Variants in EXTL3 observed in about 807,000 individuals in gnomAD.
EXTL3 encodes the protein exostosin like glycosyltransferase 3, also known as exostosin-like 3.
EXTL3 carries 27 observed loss-of-function variants against 69.3 expected under a neutral mutation model. The observed-to-expected ratio is 0.39, with a 90% CI of 0.29 to 0.54. The LOEUF (loss-of-function observed/expected upper bound fraction) is 0.54, where lower values mean the gene tolerates loss of function less well. Among genes scored for constraint, EXTL3 ranks in the 20% least tolerant of loss-of-function variants. The probability of loss-of-function intolerance (pLI) is 0.69; values close to 1 mark genes in which losing one functional copy is unlikely to be tolerated. For synonymous variants in EXTL3, 511 were observed against 499.4 expected, an observed-to-expected ratio of 1.02 and a Z score of -0.31; for missense variants, 1,003 against 1,231.8, an observed-to-expected ratio of 0.81 and a Z score of 2.78.
At chr8:28,744,280 T>C (rs1287050630) in intron 6 of EXTL3, among the ~76,000 whole-genome samples, 1 of 152,246 alleles carries the variant, frequency 6.6e-6, no homozygotes, top group African/African-American at 2.4e-5. Flanking sequence ...ACTAATGAGG[T>C]CTTATTTTCA....
rs553529524 is a variant in EXTL3 at position 28,711,362 on chromosome 8, TGAA to T, written c.-569-2093_-569-2091del. On this transcript the variant is annotated intron_variant, in intron 1 of 6. Transcript: ENST00000220562. ...TTGTTTTGTTTTTTTTCTGGGTTCT[TGAA>T]GGAGGAGCATAGGTTATTGATTCGA... Among the ~76,000 whole-genome samples the T allele has an allele frequency of 6.4e-4, 97 of 152,352 alleles. 1 individual carries two copies. Among genetic ancestry groups the T allele is most frequent in the African/African-American group, 2.1e-3 (88 of 41,582 alleles).
At position 28,724,113 on chromosome 8, in the gene EXTL3, T is replaced by C. The variant is rs560595116; in HGVS notation, c.2148+5906T>C. Among the ~76,000 whole-genome samples, 3 of 152,264 alleles carry C rather than the reference T, an allele frequency of 2.0e-5. 1 individual carries two copies. The South Asian group carries it at 6.2e-4, about 32-fold the overall frequency. ...ATATGAAATATACATGTAAAATGTA[T>C]GAAAATTAAAATAGAGACTGCTAAT... On this transcript the variant is annotated intron_variant, in intron 3 of 6. Coordinates refer to ENST00000220562, the MANE Select transcript of EXTL3 (RefSeq NM_001440.4).
intron 5 of EXTL3, 93 bp from the exon 6 acceptor site, chr8:28,742,993 C>G: frequency 7.0e-7 from 1 of 1,433,930 alleles, no homozygotes; most frequent in African/African-American, 1.4e-5. Flanking sequence ...ACTGCCACAC[C>G]CAAACAGCCC....
At chr8:28,694,024 G>A (rs1049216605) in intron 1 of EXTL3, among the ~76,000 whole-genome samples, 4 of 152,184 alleles carry the variant, frequency 2.6e-5, no homozygotes, top group Non-Finnish European at 5.9e-5. Context: ...CCAATGGCTT[G>A]TTTGGGATTG....
intron 1 of EXTL3, chr8:28,631,718 A>G (rs147850440): frequency 1.2e-4 from 19 of 152,338 alleles, no homozygotes; most frequent in African/African-American, 4.1e-4. Flanking sequence ...GAAGTCAGGT[A>G]TATCAAGTTC....
intron 6 of EXTL3, among the ~76,000 whole-genome samples, chr8:28,745,481 T>C (rs1801871190): frequency 6.6e-6 from 1 of 152,232 alleles, no homozygotes; most frequent in South Asian, 2.1e-4. Context: ...GTAGGTCTCA[T>C]ATTAAACAGT....
chr8:28,713,519 A>G lies in EXTL3; in HGVS notation c.-507A>G, dbSNP rs1380792477. The G allele has an allele frequency of 1.4e-6, 1 of 702,488 alleles. No individual in the cohort carries two copies. The highest frequency in any genetic ancestry group is 2.7e-5 in the East Asian group (1 of 37,274). 43.5% of individuals were successfully genotyped at this position (702,488 alleles called of 1,614,324 possible). ...GTGTGCTGAGGTGTAATGCTACACA[A>G]GTCAGAGGAAGGAAGGGTCCTGAAA... On this transcript the variant is annotated 5_prime_UTR_variant, in exon 2 of 7. Coordinates refer to ENST00000220562, the MANE Select transcript of EXTL3 (RefSeq NM_001440.4).
chr8:28,749,931 C>T (rs1801969314), intron 6 of EXTL3, among the ~76,000 whole-genome samples: 1 of 152,158 alleles, frequency 6.6e-6, no homozygotes, highest in Non-Finnish European at 1.5e-5. Flanking sequence ...TGGGCTCAAG[C>T]GATCTTCCTG....
At chr8:28,619,192 G>A (rs761938338), upstream of EXTL3, among the ~76,000 whole-genome samples, 4 of 132,462 alleles carry the variant, frequency 3.0e-5, no homozygotes, top group Admixed American at 8.4e-5. Context: ...GAGACCATAT[G>A]TCCTTCTCAA....
chr8:28,613,641 A>G (rs1044692684), intron 2 of EXTL3, among the ~76,000 whole-genome samples: 13 of 152,166 alleles, frequency 8.5e-5, no homozygotes, highest in African/African-American at 2.9e-4. Flanking sequence ...AAGGTTAATA[A>G]TTATTGATTT....
intron 1 of EXTL3, among the ~76,000 whole-genome samples, chr8:28,626,180 AAAAAATT>A (rs1246678484): frequency 2.0e-5 from 3 of 151,890 alleles, no homozygotes; most frequent in Admixed American, 1.3e-4. Flanking sequence ...TAAAAAAAAA[AAAAAATT>A]AAACTAAAAA....
In EXTL3 at chr8:28,713,893, T is replaced by C. The variant is rs1801082303; in HGVS notation, c.-476+343T>C. Among the ~76,000 whole-genome samples the C allele has an allele frequency of 1.4e-5, 2 of 147,018 alleles. 1 individual carries two copies. Among genetic ancestry groups the C allele is most frequent in the South Asian group, 4.3e-4 (2 of 4,682 alleles). On this transcript the variant is annotated intron_variant, in intron 2 of 6. Coordinates refer to ENST00000220562, the MANE Select transcript of EXTL3 (RefSeq NM_001440.4). ...TGTTAGCTGATTCTAATATCCTCTT[T>C]TCTTTCTTTCTTTTTTTTTTTTTTT...
intron 1 of EXTL3, among the ~76,000 whole-genome samples, chr8:28,646,257 T>C (rs1276602613): frequency 6.6e-6 from 1 of 152,232 alleles, no homozygotes; most frequent in African/African-American, 2.4e-5. Context: ...CAATTACAAA[T>C]AAATAACTGT....
At chr8:28,649,069 GT>G (rs1382180022) in intron 1 of EXTL3, among the ~76,000 whole-genome samples, 3 of 151,644 alleles carry the variant, frequency 2.0e-5, no homozygotes, top group Non-Finnish European at 4.4e-5. Flanking sequence ...AGGTTTTTTT[GT>G]TTTTGTTTTA....
chr8:28,712,098 G>A (rs10102040), intron 1 of EXTL3, among the ~76,000 whole-genome samples: 2 of 152,092 alleles, frequency 1.3e-5, no homozygotes, highest in Non-Finnish European at 1.5e-5. Context: ...GAGAGCATCG[G>A]GGGGTAAGAA....
intron 1 of EXTL3, among the ~76,000 whole-genome samples, chr8:28,632,658 AT>A (rs1806586787): frequency 6.7e-6 from 1 of 148,768 alleles, no homozygotes. Context: ...GGTTGAAGCG[AT>A]TCTCCTGCCT....
intron 1 of EXTL3, among the ~76,000 whole-genome samples, chr8:28,655,793 T>C (rs1387353538): frequency 6.6e-6 from 1 of 152,166 alleles, no homozygotes; most frequent in East Asian, 1.9e-4. Context: ...GCACCTGGCC[T>C]AAATCATTCT....
chr8:28,655,814 G>T (rs951406989), intron 1 of EXTL3, among the ~76,000 whole-genome samples: 2 of 152,048 alleles, frequency 1.3e-5, no homozygotes, highest in Non-Finnish European at 2.9e-5. Context: ...TTCTTAATAG[G>T]TATTTAGCTA....
intron 1 of EXTL3, chr8:28,686,109 G>C (rs558504968): frequency 6.6e-6 from 1 of 151,976 alleles, no homozygotes; most frequent in Admixed American, 6.5e-5. Context: ...CAAGTGATTT[G>C]CTTGCCTTGG....
Sources: gnomAD v4.1 joint callset for allele counts (sites outside exome capture counted in the v4.1 genomes callset) on GRCh38, gnomAD v4.1.1 for gene constraint, MANE v1.5 for transcripts, NCBI Gene and HGNC (gene_info 2026-07-23, HGNC 2026-07-21) for gene names.